The following ME3 variants were observed in gnomAD, a reference collection of about 807,000 sequenced individuals.
ME3 encodes NADP-dependent malic enzyme, mitochondrial.
In ME3, 48 loss-of-function variants were observed where a neutral mutation model predicts 68.9. The observed-to-expected ratio is 0.70, with a 90% confidence interval of 0.55 to 0.89. The LOEUF is 0.89. Ranked by LOEUF, ME3 falls within the 40% of genes least tolerant of loss-of-function variation. The probability of loss-of-function intolerance (pLI) is 0.00; values close to 1 mark genes in which losing one functional copy is unlikely to be tolerated. For synonymous variants in ME3, 320 were observed against 318.8 expected, an observed-to-expected ratio of 1.00 and a Z score of -0.04; for missense variants, 675 against 797.4, an observed-to-expected ratio of 0.85 and a Z score of 1.85.
At position 86,532,450 on chromosome 11, in the gene ME3, T is replaced by G. The variant is rs539760008; in HGVS notation, c.468-23583A>C. ...AATGCATACAGAACATTCTCCTGGA[T>G]AGATCATATGTTAGGCCATAAAACA... On this transcript the variant is annotated intron_variant, in intron 4 of 14. Transcript: ENST00000543262. 8.5e-5 allele frequency among the ~76,000 whole-genome samples: 13 copies of G among 152,336 alleles called. No individual in the cohort carries two copies. The South Asian group carries it at 2.5e-3, about 29-fold the overall frequency.
chr11:86,462,954 A>T (rs1423570686), intron 8 of ME3, among the ~76,000 whole-genome samples: 1 of 152,182 alleles, frequency 6.6e-6, no homozygotes, highest in Non-Finnish European at 1.5e-5. Context: ...CACAGAAAGA[A>T]ATGGCAGGTA....
downstream of ME3, chr11:86,436,948 G>A (rs984494591): frequency 6.6e-6 from 1 of 151,976 alleles, no homozygotes; most frequent in East Asian, 1.9e-4. Flanking sequence ...ATAAATTTAA[G>A]GTGTACAAGT....
chr11:86,628,703 T>C (rs998362135), intron 2 of ME3, among the ~76,000 whole-genome samples: 5 of 152,162 alleles, frequency 3.3e-5, no homozygotes, highest in African/African-American at 1.2e-4. Flanking sequence ...AGCTCCTTTC[T>C]AGGTAATGGG....
intron 4 of ME3, among the ~76,000 whole-genome samples, chr11:86,531,997 A>G (rs1045025923): frequency 2.0e-5 from 3 of 151,972 alleles, no homozygotes; most frequent in African/African-American, 7.3e-5. Context: ...CAAACCAAAA[A>G]AAAACCAGAA....
At chr11:86,582,241 T>C (rs1326261617) in intron 2 of ME3, among the ~76,000 whole-genome samples, 1 of 152,210 alleles carries the variant, frequency 6.6e-6, no homozygotes, top group Non-Finnish European at 1.5e-5. Context: ...GTTCCTCTGT[T>C]GGGAATGACC....
rs114397332 is a variant in ME3 at position 86,643,809 on chromosome 11, G to A, written c.183+27953C>T. On this transcript the variant is annotated intron_variant, in intron 2 of 14. Transcript: ENST00000543262. ...ACAGTAGGTTCTCAATAAGTTTATT[G>A]AATAAGTCAGTGAACGGTCTCAGGG... Among the ~76,000 whole-genome samples the A allele has an allele frequency of 3.5e-3, 537 of 152,224 alleles. 2 individuals are homozygous for A. The highest frequency in any genetic ancestry group is 0.012 in the African/African-American group (510 of 41,528).
intron 2 of ME3, among the ~76,000 whole-genome samples, chr11:86,646,928 C>T (rs72957457): frequency 0.072 from 10,974 of 152,126 alleles, 466 homozygotes; most frequent in East Asian, 0.14. Flanking sequence ...ATTTTCAAGC[C>T]AGAATTTCAT....
chr11:86,636,259 CTTTCTTT>C (rs530905250), intron 2 of ME3, among the ~76,000 whole-genome samples: 1 of 114,974 alleles, frequency 8.7e-6, no homozygotes, highest in African/African-American at 2.6e-5. Flanking sequence ...CCCAGTTTTT[CTTTCTTT>C]TTTTTTTTGT....
intron 2 of ME3, among the ~76,000 whole-genome samples, chr11:86,568,441 T>TA (rs1457628384): frequency 1.3e-5 from 2 of 152,234 alleles, no homozygotes; most frequent in Non-Finnish European, 2.9e-5. Flanking sequence ...CGAACCATTT[T>TA]AAATCTTTTA....
chr11:86,643,439 C>T (rs904756695), intron 2 of ME3, among the ~76,000 whole-genome samples: 1 of 152,128 alleles, frequency 6.6e-6, no homozygotes, highest in Non-Finnish European at 1.5e-5. Flanking sequence ...ATCTTTCCCC[C>T]ATCTTCTCTT....
At chr11:86,584,817 C>G (rs1958638396) in intron 2 of ME3, among the ~76,000 whole-genome samples, 1 of 152,078 alleles carries the variant, frequency 6.6e-6, no homozygotes, top group African/African-American at 2.4e-5. Context: ...AGTTTCTAAT[C>G]AATGGGTATA....
chr11:86,524,348 T>C (rs960260057), intron 4 of ME3, among the ~76,000 whole-genome samples: 3 of 152,220 alleles, frequency 2.0e-5, no homozygotes, highest in African/African-American at 7.2e-5. Flanking sequence ...AACTACAAGA[T>C]AAGGAGAGAA....
intron 2 of ME3, among the ~76,000 whole-genome samples, chr11:86,600,019 A>T (rs1240404385): frequency 6.6e-6 from 1 of 151,652 alleles, no homozygotes; most frequent in African/African-American, 2.4e-5. Context: ...GACTATCAAG[A>T]TTAGGAAGAA....
At chr11:86,578,890 T>TAG (rs1958276553) in intron 2 of ME3, among the ~76,000 whole-genome samples, 2 of 152,312 alleles carry the variant, frequency 1.3e-5, no homozygotes, top group South Asian at 4.1e-4. Flanking sequence ...CCCTATGTGG[T>TAG]AGGCTGTCAA....
intron 4 of ME3, among the ~76,000 whole-genome samples, chr11:86,544,350 AT>A (rs1275966653): frequency 6.6e-6 from 1 of 152,232 alleles, no homozygotes; most frequent in African/African-American, 2.4e-5. Flanking sequence ...ATTCAAAAAA[AT>A]CAATGAATCC....
chr11:86,506,046 T>A lies in ME3; in HGVS notation c.543+2746A>T, dbSNP rs567522654. Among the ~76,000 whole-genome samples the A allele has an allele frequency of 1.3e-3, 194 of 152,372 alleles. 2 individuals carry two copies. Among genetic ancestry groups the A allele is most frequent in the Non-Finnish European group, 1.0e-4 (7 of 68,032 alleles). On this transcript the variant is annotated intron_variant, in intron 5 of 14. Transcript: ENST00000543262. ...CGAGCTCCTTGAGTATGGGCTCCTATACATTCTCTGTATCTGAACCTCCAG... is the reference window on the plus strand; with the variant it reads ...CGAGCTCCTTGAGTATGGGCTCCTAAACATTCTCTGTATCTGAACCTCCAG...
At chr11:86,613,242 C>T (rs1165289013) in intron 2 of ME3, among the ~76,000 whole-genome samples, 2 of 152,108 alleles carry the variant, frequency 1.3e-5, no homozygotes, top group Non-Finnish European at 1.5e-5. Context: ...TTTCTGAAGT[C>T]TCTGTTCTGT....
chr11:86,529,358 A>G (rs1955023495), intron 4 of ME3, among the ~76,000 whole-genome samples: 1 of 152,236 alleles, frequency 6.6e-6, no homozygotes, highest in Admixed American at 6.5e-5. Flanking sequence ...AATTGAGGCA[A>G]TAATTAATAG....
chr11:86,656,742 G>A (rs1945906623), intron 2 of ME3, among the ~76,000 whole-genome samples: 1 of 151,706 alleles, frequency 6.6e-6, no homozygotes, highest in Non-Finnish European at 1.5e-5. Context: ...AAAACTTAAA[G>A]TATAATAATA....
Sources: allele counts gnomAD v4.1 joint callset (sites outside exome capture counted in the v4.1 genomes callset), GRCh38; gene constraint gnomAD v4.1.1; transcripts MANE v1.5; gene names NCBI Gene and HGNC (gene_info 2026-07-23, HGNC 2026-07-21).